The following GRB10 variants were observed in gnomAD, a reference collection of about 807,000 sequenced individuals.
GRB10 encodes growth factor receptor bound protein 10.
Under a neutral mutation model 80.9 loss-of-function variants are expected in GRB10, and 20 were observed. The ratio of observed to expected loss-of-function variants is 0.25; its 90% CI spans 0.17 to 0.36. GRB10 has a LOEUF of 0.36. GRB10 is among the 10% of genes least tolerant of loss of function. The probability of loss-of-function intolerance (pLI) is 1.00; values close to 1 mark genes in which losing one functional copy is unlikely to be tolerated. For synonymous variants in GRB10, 291 were observed against 291.5 expected (o/e 1.00, Z 0.02); for missense variants, 548 against 747.7 (o/e 0.73, Z 3.12).
intron 7 of GRB10, among the ~76,000 whole-genome samples, chr7:50,632,316 T>C (rs1023496064): frequency 6.6e-6 from 1 of 152,212 alleles, no homozygotes; most frequent in Non-Finnish European, 1.5e-5. Context: ...ATAGCCTGCA[T>C]TGTCCCACCT....
At chr7:50,688,231 A>C (rs1471029797) in intron 5 of GRB10, among the ~76,000 whole-genome samples, 1 of 152,218 alleles carries the variant, frequency 6.6e-6, no homozygotes, top group East Asian at 1.9e-4. Context: ...AACATCTTTC[A>C]GTTTTCCCAG....
chr7:50,625,624 T>C (rs2052736145), intron 8 of GRB10, among the ~76,000 whole-genome samples: 1 of 152,232 alleles, frequency 6.6e-6, no homozygotes, highest in African/African-American at 2.4e-5. Flanking sequence ...TAAGTGATCC[T>C]GGCAGGAGAA....
At chr7:50,630,697 A>C (rs1306890202) in intron 7 of GRB10, among the ~76,000 whole-genome samples, 1 of 152,222 alleles carries the variant, frequency 6.6e-6, no homozygotes, top group Non-Finnish European at 1.5e-5. Flanking sequence ...AAAAGCCCCT[A>C]AATAGCAAAT....
intron 4 of GRB10, chr7:50,727,939 T>G (rs1162491556): frequency 6.6e-6 from 1 of 152,246 alleles, no homozygotes; most frequent in Non-Finnish European, 1.5e-5. Flanking sequence ...CCTAAAGCCA[T>G]GCAGGTGAAT....
At chr7:50,674,715 C>G in intron 5 of GRB10, 57 bp from the exon 6 acceptor site, 1 of 1,400,990 alleles carries the variant, frequency 7.1e-7, no homozygotes, top group African/African-American at 1.4e-5. Flanking sequence ...AGCAATCAAA[C>G]CCAAATGTAC....
chr7:50,742,229 T>C (rs2071891056), intron 3 of GRB10, among the ~76,000 whole-genome samples: 1 of 151,918 alleles, frequency 6.6e-6, no homozygotes, highest in Non-Finnish European at 1.5e-5. Context: ...TCAGTGCTTT[T>C]TATGTATTTG....
In GRB10 at chr7:50,720,781, T is replaced by TA. The variant is rs778346917; in HGVS notation, c.51+11490dup. On this transcript the variant is annotated intron_variant, in intron 4 of 18. Coordinates refer to ENST00000401949, the MANE Select transcript of GRB10 (RefSeq NM_001350814.2). ...TCCTCTCTCTGCCAAAGTACACCAT[T>TA]AAAAAAAAAAAAAAAGTTGCCGTTT... is the stretch of plus-strand genomic sequence containing the variant. 3.6e-3 allele frequency among the ~76,000 whole-genome samples: 511 copies of TA among 140,608 alleles called. 1 individual carries two copies. The highest frequency in any genetic ancestry group is 5.3e-3 in the African/African-American group (204 of 38,422). The allele number at this position is 140,608 out of a possible 152,430, so 92.2% of individuals were successfully genotyped here.
chr7:50,671,891 C>T (rs2244347), intron 6 of GRB10, among the ~76,000 whole-genome samples: 1 of 152,098 alleles, frequency 6.6e-6, no homozygotes, highest in African/African-American at 2.4e-5. Flanking sequence ...AAATCCCCAC[C>T]AAAGAGGCTC....
intron 8 of GRB10, among the ~76,000 whole-genome samples, chr7:50,624,267 T>G (rs2052457609): frequency 6.6e-6 from 1 of 152,208 alleles, no homozygotes; most frequent in Admixed American, 6.5e-5. Context: ...CCTGGGGATG[T>G]GCCCTAAGAG....
At chr7:50,742,323 C>T (rs532812384) in intron 3 of GRB10, among the ~76,000 whole-genome samples, 7 of 149,904 alleles carry the variant, frequency 4.7e-5, no homozygotes, top group Admixed American at 2.0e-4. Flanking sequence ...ACATACACGG[C>T]ATCCATTCCC....
chr7:50,743,704 A>C (rs1485473793), intron 3 of GRB10, among the ~76,000 whole-genome samples: 1 of 152,238 alleles, frequency 6.6e-6, no homozygotes, highest in Non-Finnish European at 1.5e-5. Context: ...CCTACTCAGG[A>C]GAACCAGGAG....
chr7:50,775,161 C>CAAA (rs777553621), intron 2 of GRB10, among the ~76,000 whole-genome samples: 2,102 of 30,652 alleles, frequency 0.069, 286 homozygotes, highest in African/African-American at 0.22. Context: ...ATCCTGTCTC[C>CAAA]AAAAAAAAAA....
intron 7 of GRB10, among the ~76,000 whole-genome samples, chr7:50,664,732 C>A (rs1019456394): frequency 4.6e-5 from 7 of 152,206 alleles, no homozygotes; most frequent in African/African-American, 7.2e-5. Context: ...ACCAACTAGA[C>A]CGTGAGCCCA....
intron 7 of GRB10, among the ~76,000 whole-genome samples, chr7:50,654,335 T>A (rs1323884881): frequency 6.6e-6 from 1 of 152,108 alleles, no homozygotes; most frequent in Non-Finnish European, 1.5e-5. Flanking sequence ...CAGAGACAGA[T>A]CAGTTGATGG....
intron 7 of GRB10, among the ~76,000 whole-genome samples, chr7:50,661,756 T>G (rs1006002408): frequency 2.6e-5 from 4 of 152,144 alleles, no homozygotes; most frequent in African/African-American, 9.7e-5. Context: ...GCGCCCCACA[T>G]GTTGCCTCAG....
intron 17 of GRB10, among the ~76,000 whole-genome samples, chr7:50,597,321 C>T (rs928300165): frequency 2.0e-5 from 3 of 152,158 alleles, no homozygotes; most frequent in Admixed American, 1.3e-4. Flanking sequence ...CCAGATGGGA[C>T]GGCGTGAGGA....
At chr7:50,626,705 G>A in intron 8 of GRB10, 117 bp downstream of exon 8, 1 of 1,146,580 alleles carries the variant, frequency 8.7e-7, no homozygotes, top group Non-Finnish European at 1.3e-6. Flanking sequence ...CCCAGAGACT[G>A]CCTGCTAATT....
intron 3 of GRB10, among the ~76,000 whole-genome samples, chr7:50,749,645 C>A (rs182578109): frequency 1.3e-5 from 2 of 152,278 alleles, no homozygotes; most frequent in Admixed American, 1.3e-4. Flanking sequence ...TGGTTCTAAA[C>A]ACTGCAATAA....
chr7:50,719,257 G>A (rs2067339453), intron 4 of GRB10, among the ~76,000 whole-genome samples: 1 of 152,200 alleles, frequency 6.6e-6, no homozygotes, highest in Non-Finnish European at 1.5e-5. Context: ...ACTGCAAGGA[G>A]GAAGGGCCAG....
Sources: allele counts gnomAD v4.1 joint callset (sites outside exome capture counted in the v4.1 genomes callset), GRCh38; gene constraint gnomAD v4.1.1; transcripts MANE v1.5; gene names NCBI Gene and HGNC (gene_info 2026-07-23, HGNC 2026-07-21).